The following FAM83E variants were observed in gnomAD, a reference collection of about 807,000 sequenced individuals.
The protein encoded by FAM83E is protein FAM83E.
Under a neutral mutation model 34.3 loss-of-function variants are expected in FAM83E, and 29 were observed. That is an observed-to-expected ratio of 0.85 (90% confidence interval 0.63 to 1.15). The LOEUF is 1.15. Ranked by LOEUF, FAM83E falls within the 50% of genes most tolerant of loss-of-function variation. The pLI is 0.00. For missense variants in FAM83E, 697 were observed against 685.0 expected (o/e 1.02, Z -0.20); for synonymous variants, 312 against 311.6 (o/e 1.00, Z -0.01).
Position 48,603,486 on chromosome 19 carries a change from G to T in FAM83E, c.1176+8C>A. On this transcript the variant is annotated splice_region_variant and intron_variant, in intron 6 of 6. Coordinates refer to ENST00000263266, the MANE Select transcript of FAM83E (RefSeq NM_017708.4). ...CTCCATCTTCTGGCACCAGCCACAA[G>T]GTCTCACCTCGTTGTCCCCATCACT... 8 of 1,555,860 alleles carry T rather than the reference G, an allele frequency of 5.1e-6. No homozygotes were observed. The highest frequency in any genetic ancestry group is 6.9e-6 in the Non-Finnish European group (8 of 1,159,900).
chr19:48,610,912 T>C, intron 3 of FAM83E, 65 bp from the exon 4 acceptor site: 2 of 1,497,402 alleles, frequency 1.3e-6, no homozygotes, highest in South Asian at 2.5e-5. Flanking sequence ...ACTCAGAGGG[T>C]GTGGGAAACC....
rs1419584779 is a variant in FAM83E at position 48,603,511 on chromosome 19, T to C, written c.1159A>G (p.Ser387Gly). 3.8e-6 allele frequency: 6 copies of C among 1,566,626 alleles called. No individual in the cohort carries two copies. In the East Asian group the frequency reaches 1.2e-4, roughly 33 times the overall value. Residue 387 changes from serine to glycine, a missense_variant, in exon 6 of 7, where the codon AGT (serine) becomes GGT (glycine). Coordinates refer to ENST00000263266, the MANE Select transcript of FAM83E (RefSeq NM_017708.4). Reference sequence around the variant, plus strand: ...GGTCTCACCTCGTTGTCCCCATCACTGGAGCCAGACAGCTGGGACAGGCGG... The same window carrying C: ...GGTCTCACCTCGTTGTCCCCATCACCGGAGCCAGACAGCTGGGACAGGCGG... ...LSRLSQLSGS[S>G]DGDNELKKSW...
At chr19:48,602,564 G>C (rs936421741) in intron 6 of FAM83E, among the ~76,000 whole-genome samples, 5 of 149,936 alleles carry the variant, frequency 3.3e-5, no homozygotes, top group African/African-American at 4.9e-5. Flanking sequence ...TCAGGACCAG[G>C]TGAAGGTAAG....
At chr19:48,611,961 C>T (rs915525524) in intron 3 of FAM83E, among the ~76,000 whole-genome samples, 1 of 152,060 alleles carries the variant, frequency 6.6e-6, no homozygotes, top group Non-Finnish European at 1.5e-5. Flanking sequence ...GCCACCGTGG[C>T]GAACTTGGGG....
intron 3 of FAM83E, among the ~76,000 whole-genome samples, chr19:48,612,327 G>T (rs1419216941): frequency 3.9e-5 from 6 of 151,904 alleles, no homozygotes; most frequent in South Asian, 2.1e-4. Flanking sequence ...GAGACTGGGG[G>T]TGTCATAATT....
In FAM83E at chr19:48,603,688, G is replaced by A; in HGVS notation, c.982C>T (p.Pro328Ser). The A allele has an allele frequency of 7.6e-7, 1 of 1,312,372 alleles. No homozygotes were observed. Among genetic ancestry groups the A allele is most frequent in the East Asian group, 3.2e-5 (1 of 30,820 alleles). The allele number at this position is 1,312,372 out of a possible 1,614,324, so 81.3% of individuals were successfully genotyped here. A position where few individuals can be genotyped will look rare whatever the true frequency, so the allele number is the denominator to read the frequency against. ...AGGCGGTGGGCCAGCGGGCCGTCAGGCGGCGGAGGCGACGCGGGGGCCACG... is the reference window on the plus strand; with the variant it reads ...AGGCGGTGGGCCAGCGGGCCGTCAGACGGCGGAGGCGACGCGGGGGCCACG... Reference protein sequence around the residue: ...RSVAPASPPPPDGPLAHRLAA... With the variant: ...RSVAPASPPPSDGPLAHRLAA... The change falls in exon 6 of 7, where the codon CCT (proline) becomes TCT (serine). Residue 328 changes from proline to serine, a missense_variant. Pro to Ser is a moderately conservative substitution (Grantham distance 74). Transcript: ENST00000263266.
At chr19:48,607,132 G>C in intron 5 of FAM83E, 1 of 1,612,930 alleles carries the variant, frequency 6.2e-7, no homozygotes, top group South Asian at 1.1e-5. Flanking sequence ...CACAGGCCAC[G>C]GGGTCGCCCC....
chr19:48,614,816 T>C lies in FAM83E; in HGVS notation c.-1364A>G, dbSNP rs1974120236. On this transcript the variant is annotated 5_prime_UTR_variant, in exon 2 of 7. Coordinates refer to ENST00000263266, the MANE Select transcript of FAM83E (RefSeq NM_017708.4). ...TACTTCTGCGGTGCTTCCCGGCTTCTGGCCTCACTCATCAGGCCTCGACCT... is the reference window on the plus strand; with the variant it reads ...TACTTCTGCGGTGCTTCCCGGCTTCCGGCCTCACTCATCAGGCCTCGACCT... 1.4e-5 allele frequency: 14 copies of C among 984,898 alleles called. No homozygotes were observed. Among genetic ancestry groups the C allele is most frequent in the Non-Finnish European group, 1.7e-5 (14 of 829,516 alleles). 61.0% of individuals were successfully genotyped at this position (984,898 alleles called of 1,614,324 possible).
chr19:48,614,004 T>TTGGAGCATCTGTCTC lies in FAM83E; in HGVS notation c.-647_-633dup. On this transcript the variant is annotated 5_prime_UTR_variant, in exon 3 of 7. The change creates a new upstream start codon in the 5' untranslated region. Transcript: ENST00000263266. ...GACTGACAGTCACAGTATCTGCCTG[T>TTGGAGCATCTGTCTC]TGGAGCATCTGTCTCTGGCCAAATC... is the stretch of plus-strand genomic sequence containing the variant. The TTGGAGCATCTGTCTC allele has an allele frequency of 1.0e-6, 1 of 985,438 alleles. No homozygotes were observed. Among genetic ancestry groups the TTGGAGCATCTGTCTC allele is most frequent in the Non-Finnish European group, 1.2e-6 (1 of 829,934 alleles). The allele number at this position is 985,438 out of a possible 1,614,324, so 61.0% of individuals were successfully genotyped here.
chr19:48,605,239 C>T (rs77715378), intron 5 of FAM83E, among the ~76,000 whole-genome samples: 5,210 of 152,090 alleles, frequency 0.034, 298 homozygotes, highest in African/African-American at 0.11. Context: ...AAGCTCTCCA[C>T]GTTGCTGCTC....
In FAM83E at chr19:48,600,193, G is replaced by A. The variant is rs943645398; in HGVS notation, c.*916C>T. 5.3e-5 allele frequency among the ~76,000 whole-genome samples: 8 copies of A among 152,172 alleles called. No homozygotes were observed. In the South Asian group the frequency reaches 8.3e-4, roughly 16 times the overall value. On this transcript the variant is annotated 3_prime_UTR_variant, in exon 7 of 7. Transcript: ENST00000263266. Reference sequence around the variant, plus strand: ...TCCACAGCTCTAGCAGCTCTAGCTCGGGGCCTCACCCGGGCCCCTCATCAG... The same window carrying A: ...TCCACAGCTCTAGCAGCTCTAGCTCAGGGCCTCACCCGGGCCCCTCATCAG...
chr19:48,612,545 C>T (rs1341131194), intron 3 of FAM83E, among the ~76,000 whole-genome samples: 2 of 152,032 alleles, frequency 1.3e-5, no homozygotes, highest in Non-Finnish European at 2.9e-5. Context: ...GCTGGGACTA[C>T]AGGCGCCCAC....
rs773912181 is a variant in FAM83E, at chr19:48,609,951, C to T, written c.683G>A (p.Arg228Gln). Residue 228 changes from arginine (R) to glutamine (Q), a missense_variant, in exon 5 of 7, where the codon CGA becomes CAA. Physicochemically the swap from Arg to Gln is conservative, Grantham distance 43. Coordinates refer to ENST00000263266, the MANE Select transcript of FAM83E (RefSeq NM_017708.4). ...VRGCSFQSRW[R>Q]RQVSGTVREK... Reference sequence around the variant, plus strand: ...CCGCACGGTGCCGCTCACCTGCCGTCGCCAGCGGCTCTGGAAGCTGCAGCC... The same window carrying T: ...CCGCACGGTGCCGCTCACCTGCCGTTGCCAGCGGCTCTGGAAGCTGCAGCC... The T allele has an allele frequency of 5.0e-5, 81 of 1,612,994 alleles. No homozygotes were observed. Among genetic ancestry groups the T allele is most frequent in the Non-Finnish European group, 6.4e-5 (76 of 1,180,004 alleles).
At chr19:48,604,335 T>TG (rs945181653) in intron 5 of FAM83E, among the ~76,000 whole-genome samples, 1 of 149,232 alleles carries the variant, frequency 6.7e-6, no homozygotes, top group Admixed American at 6.6e-5. Flanking sequence ...TTTTTTTTTT[T>TG]TTTTTTTTTT....
At chr19:48,604,207 A>G (rs1973885734) in intron 5 of FAM83E, among the ~76,000 whole-genome samples, 1 of 151,900 alleles carries the variant, frequency 6.6e-6, no homozygotes, top group South Asian at 2.1e-4. Flanking sequence ...AGCCTGGGCA[A>G]CATGGTGAGA....
rs1031072323 is a variant in FAM83E, at chr19:48,607,673, A to T, written c.758+2203T>A. 4.5e-5 allele frequency: 15 copies of T among 335,542 alleles called. No homozygotes were observed. The South Asian group carries it at 5.6e-4, about 12-fold the overall frequency. The allele number at this position is 335,542 out of a possible 1,614,324, so 20.8% of individuals were successfully genotyped here. The stretch of plus-strand genomic sequence containing the variant: ...TTAGAGTCCATGAAATATGGTAAAA[A>T]ATATATATATATCATAATAAATGAC... On this transcript the variant is annotated intron_variant, in intron 5 of 6. Transcript: ENST00000263266.
In FAM83E at chr19:48,602,736, T is replaced by A. The variant is rs1190934317; in HGVS notation, c.1176+758A>T. On this transcript the variant is annotated intron_variant, in intron 6 of 6. Transcript: ENST00000263266. ...ATATATATATATATATATATATATATATATATATATATATATAGCTTTCTT... is the reference window on the plus strand; with the variant it reads ...ATATATATATATATATATATATATAAATATATATATATATATAGCTTTCTT... 4.4e-4 allele frequency among the ~76,000 whole-genome samples: 45 copies of A among 102,338 alleles called. 3 individuals are homozygous for A. Among genetic ancestry groups the A allele is most frequent in the Middle Eastern group, 4.8e-3 (1 of 208 alleles). The allele number at this position is 102,338 out of a possible 152,430, so 67.1% of individuals were successfully genotyped here.
chr19:48,602,090 C>T (rs1363112569), intron 6 of FAM83E, among the ~76,000 whole-genome samples: 2 of 133,130 alleles, frequency 1.5e-5, no homozygotes, highest in Non-Finnish European at 3.1e-5. Flanking sequence ...TGCAGTGAGC[C>T]GAGATCATGC....
chr19:48,613,456 G>T lies in FAM83E; in HGVS notation c.-84C>A. The T allele has an allele frequency of 6.9e-7, 1 of 1,440,322 alleles. No individual in the cohort carries two copies. Among genetic ancestry groups the T allele is most frequent in the Non-Finnish European group, 9.1e-7 (1 of 1,100,562 alleles). 89.2% of individuals were successfully genotyped at this position (1,440,322 alleles called of 1,614,324 possible). A position where few individuals can be genotyped will look rare whatever the true frequency, so the allele number is the denominator to read the frequency against. On this transcript the variant is annotated 5_prime_UTR_variant, in exon 3 of 7. Coordinates refer to ENST00000263266, the MANE Select transcript of FAM83E (RefSeq NM_017708.4). ...GTCTCTGGGGACTGTGATCATCTGGGGGTTCTCCTGATAGGCAGACCCTAC... is the reference window on the plus strand; with the variant it reads ...GTCTCTGGGGACTGTGATCATCTGGTGGTTCTCCTGATAGGCAGACCCTAC...
Sources: allele counts gnomAD v4.1 joint callset (sites outside exome capture counted in the v4.1 genomes callset), GRCh38; gene constraint gnomAD v4.1.1; transcripts MANE v1.5; gene names NCBI Gene and HGNC (gene_info 2026-07-23, HGNC 2026-07-21).